Variants in PITPNM3 observed in about 807,000 individuals in gnomAD.
PITPNM3 encodes the protein membrane-associated phosphatidylinositol transfer protein 3.
Under a neutral mutation model 102.0 loss-of-function variants are expected in PITPNM3, and 26 were observed. That is an observed-to-expected ratio of 0.25 (90% CI 0.19 to 0.35). PITPNM3 has a LOEUF of 0.35. Ranked by LOEUF, PITPNM3 falls within the 10% of genes least tolerant of loss-of-function variation. The pLI, the probability that PITPNM3 is intolerant of heterozygous loss-of-function variation, is 1.00. For missense variants in PITPNM3, 1,083 were observed against 1,346.1 expected, an observed-to-expected ratio of 0.80 and a Z score of 3.06; for synonymous variants, 578 against 558.6, an observed-to-expected ratio of 1.03 and a Z score of -0.49.
intron 2 of PITPNM3, among the ~76,000 whole-genome samples, chr17:6,536,568 C>T (rs535578766): frequency 1.3e-5 from 2 of 152,214 alleles, no homozygotes; most frequent in Admixed American, 6.5e-5. Context: ...CAGCTCCCCA[C>T]CTCCCAGCCA....
intron 6 of PITPNM3, chr17:6,481,781 T>TG (rs1905690166): frequency 6.8e-6 from 1 of 147,400 alleles, no homozygotes; most frequent in Non-Finnish European, 1.5e-5. Context: ...GATAGATAGA[T>TG]AATGGATGGA....
intron 1 of PITPNM3, among the ~76,000 whole-genome samples, chr17:6,552,767 T>C (rs1336860497): frequency 1.3e-4 from 18 of 138,400 alleles, no homozygotes; most frequent in East Asian, 8.6e-4. Flanking sequence ...TTTTTCTTTT[T>C]TTTTTTTTTT....
At position 6,478,187 on chromosome 17, in the gene PITPNM3, A is replaced by C. The variant is rs1474629493; in HGVS notation, c.778-90T>G. ...CAGAGCAGTGCTGCCTCCCCACAGG[A>C]GAATGAGAAACTCGTCCTTGGGAGG... is the stretch of plus-strand genomic sequence containing the variant. On this transcript the variant is annotated intron_variant, in intron 7 of 19. Transcript: ENST00000262483. This position sits in a 1 kb window ranked among gnomAD's most constrained non-coding sequence, Gnocchi z 4.4. 7 of 1,585,788 alleles carry C rather than the reference A, an allele frequency of 4.4e-6. No homozygotes were observed. Among genetic ancestry groups the C allele is most frequent in the Non-Finnish European group, 8.6e-7 (1 of 1,168,038 alleles).
Position 6,455,248 on chromosome 17 carries a change from C to T in PITPNM3, c.*90G>A, listed in dbSNP as rs905034379. 50 of 1,432,442 alleles carry T rather than the reference C, an allele frequency of 3.5e-5. No individual in the cohort carries two copies. The highest frequency in any genetic ancestry group is 2.3e-4 in the Middle Eastern group (1 of 4,322). The allele number at this position is 1,432,442 out of a possible 1,614,324, so 88.7% of individuals were successfully genotyped here. On this transcript the variant is annotated 3_prime_UTR_variant, in exon 20 of 20. Transcript: ENST00000262483. ...ACACGGGAGGGAAAAAGCAGGAAAA[C>T]GCCTGTGTCGGGGAGAGGGCAGCCC... is the stretch of plus-strand genomic sequence containing the variant.
chr17:6,548,452 C>T (rs184686932), intron 1 of PITPNM3, among the ~76,000 whole-genome samples: 1 of 152,210 alleles, frequency 6.6e-6, no homozygotes, highest in Non-Finnish European at 1.5e-5. Context: ...AGGGATGACT[C>T]TAGAGTTGCT....
chr17:6,474,309 C>T, intron 10 of PITPNM3, 123 bp downstream of exon 10: 1 of 1,334,404 alleles, frequency 7.5e-7, no homozygotes, highest in Non-Finnish European at 1.0e-6. Context: ...CTCTTTCCAC[C>T]TATCCCAACT....
chr17:6,533,557 C>T (rs774091037), intron 2 of PITPNM3, among the ~76,000 whole-genome samples: 66 of 151,260 alleles, frequency 4.4e-4, no homozygotes, highest in Non-Finnish European at 8.6e-4. Flanking sequence ...TGGGTTCAAG[C>T]GATTCTCCTG....
intron 1 of PITPNM3, among the ~76,000 whole-genome samples, chr17:6,545,694 T>C (rs970421455): frequency 3.9e-5 from 6 of 152,174 alleles, no homozygotes; most frequent in South Asian, 2.1e-4. Context: ...CCAATTCCTA[T>C]TGATGCTTGA....
At chr17:6,552,119 T>C (rs531068437) in intron 1 of PITPNM3, among the ~76,000 whole-genome samples, 4 of 152,282 alleles carry the variant, frequency 2.6e-5, no homozygotes, top group Admixed American at 1.3e-4. Flanking sequence ...GTTTGCCACA[T>C]GGAAGCCTGC....
At chr17:6,461,714 C>A (rs1011948458) in intron 17 of PITPNM3, among the ~76,000 whole-genome samples, 158 bp from the exon 18 acceptor site, 2 of 152,176 alleles carry the variant, frequency 1.3e-5, no homozygotes, top group African/African-American at 4.8e-5. Flanking sequence ...CCTCTCTGGG[C>A]TGAGCCCTGG....
intron 3 of PITPNM3, among the ~76,000 whole-genome samples, chr17:6,510,438 C>T (rs1014076709): frequency 2.0e-5 from 3 of 152,306 alleles, no homozygotes; most frequent in Admixed American, 6.5e-5. Context: ...GCAGCTCCAG[C>T]GCTACCTCCT....
intron 1 of PITPNM3, 116 bp from the exon 2 acceptor site, chr17:6,538,198 C>G: frequency 1.3e-6 from 1 of 767,756 alleles, no homozygotes; most frequent in Non-Finnish European, 2.3e-6. Flanking sequence ...TCTGTGCCCT[C>G]TCCCTCCGAG....
chr17:6,456,199 A>T (rs912059123), intron 19 of PITPNM3, among the ~76,000 whole-genome samples: 10 of 151,840 alleles, frequency 6.6e-5, no homozygotes, highest in Non-Finnish European at 1.0e-4. Flanking sequence ...CATTTTTTAA[A>T]TTTTTTGTAG....
At chr17:6,530,031 C>T (rs922490124) in intron 2 of PITPNM3, among the ~76,000 whole-genome samples, 6 of 152,204 alleles carry the variant, frequency 3.9e-5, no homozygotes, top group African/African-American at 9.6e-5. Context: ...CAGCTTCCCA[C>T]GGTGACATCC....
chr17:6,525,938 C>T (rs776895245), intron 2 of PITPNM3, among the ~76,000 whole-genome samples: 1 of 152,132 alleles, frequency 6.6e-6, no homozygotes, highest in Non-Finnish European at 1.5e-5. Context: ...AGGAGGTGCT[C>T]ATAGATGAGA....
chr17:6,522,302 A>G (rs1013623022), intron 3 of PITPNM3, among the ~76,000 whole-genome samples: 9 of 152,096 alleles, frequency 5.9e-5, no homozygotes, highest in Admixed American at 5.9e-4. Context: ...ACACACACAC[A>G]CACACACACA....
intron 6 of PITPNM3, chr17:6,480,463 C>G (rs936617549): frequency 6.6e-6 from 1 of 152,298 alleles, no homozygotes; most frequent in African/African-American, 2.4e-5. Context: ...CTGAGAACAT[C>G]GGCTCCCATT....
chr17:6,456,109 A>C (rs889402300), intron 19 of PITPNM3, among the ~76,000 whole-genome samples: 3 of 152,032 alleles, frequency 2.0e-5, no homozygotes, highest in Non-Finnish European at 2.9e-5. Flanking sequence ...CCGCAGTCTC[A>C]ACTTCGCCAG....
rs532649981 is a variant in PITPNM3, at chr17:6,452,558, T to G, written c.*2780A>C. On this transcript the variant is annotated 3_prime_UTR_variant, in exon 20 of 20. Coordinates refer to ENST00000262483, the MANE Select transcript of PITPNM3 (RefSeq NM_031220.4). ...CCCTCCAGAGAACAACACAACTTGG[T>G]TCTTTCTCCAACTTAACCGGACAGA... The G allele has an allele frequency of 2.6e-5, 4 of 152,356 alleles. No individual in the cohort carries two copies. The highest frequency in any genetic ancestry group is 2.0e-4 in the Admixed American group (3 of 15,300). 9.4% of individuals were successfully genotyped at this position (152,356 alleles called of 1,614,324 possible). A position where few individuals can be genotyped will look rare whatever the true frequency, so the allele number is the denominator to read the frequency against.
Sources: allele counts gnomAD v4.1 joint callset (sites outside exome capture counted in the v4.1 genomes callset), GRCh38; gene constraint gnomAD v4.1.1; non-coding constraint Gnocchi (gnomAD v3.1); transcripts MANE v1.5; gene names NCBI Gene and HGNC (gene_info 2026-07-23, HGNC 2026-07-21).